FIRRM: variants seen among roughly 807,000 people sequenced by gnomAD.
FIRRM encodes the protein FIGNL1-interacting regulator of recombination and mitosis.
the FIRRM span, among the ~76,000 whole-genome samples, chr1:169,788,125 G>T: frequency 6.6e-6 from 1 of 152,172 alleles, no homozygotes; most frequent in Non-Finnish European, 1.5e-5. Flanking sequence ...CAAGGCACTT[G>T]GGGTTTCATG....
At chr1:169,813,217 C>T in the FIRRM span, among the ~76,000 whole-genome samples, 1 of 152,174 alleles carries the variant, frequency 6.6e-6, no homozygotes, top group Non-Finnish European at 1.5e-5. Context: ...GTTGCTTAAA[C>T]GTCAGACACT....
chr1:169,846,103 C>T, the FIRRM span, among the ~76,000 whole-genome samples: 4 of 152,324 alleles, frequency 2.6e-5, no homozygotes, highest in East Asian at 1.9e-4. Flanking sequence ...TCTCCTTATA[C>T]GTCTCCTTCA....
At chr1:169,845,979 C>CTA in the FIRRM span, among the ~76,000 whole-genome samples, 1 of 152,192 alleles carries the variant, frequency 6.6e-6, no homozygotes, top group Non-Finnish European at 1.5e-5. Flanking sequence ...TCCATGGCAG[C>CTA]TATAGCCTTA....
the FIRRM span, among the ~76,000 whole-genome samples, chr1:169,848,756 A>G: frequency 6.6e-6 from 1 of 152,212 alleles, no homozygotes; most frequent in Non-Finnish European, 1.5e-5. Flanking sequence ...TTTGTGAACC[A>G]CTATGGACTA....
At chr1:169,793,011 G>C in the FIRRM span, 1 of 1,614,058 alleles carries the variant, frequency 6.2e-7, no homozygotes, top group South Asian at 1.1e-5. Context: ...ACTACATTAG[G>C]TAAGGTTACT....
the FIRRM span, chr1:169,850,390 T>C: frequency 1.4e-6 from 2 of 1,407,000 alleles, no homozygotes; most frequent in Non-Finnish European, 2.0e-6. Context: ...GTCCTATTTT[T>C]TTTTTTCCGA....
At chr1:169,799,686 G>A in the FIRRM span, among the ~76,000 whole-genome samples, 173 of 152,186 alleles carry the variant, frequency 1.1e-3, no homozygotes, top group African/African-American at 4.1e-3. Flanking sequence ...CAAGTAGCTG[G>A]GATTACAGGC....
the FIRRM span, among the ~76,000 whole-genome samples, chr1:169,840,829 C>T: frequency 6.6e-6 from 1 of 152,002 alleles, no homozygotes; most frequent in East Asian, 1.9e-4. Context: ...TGATTTGCCA[C>T]TCAGCTTGAA....
chr1:169,793,582 A>G, the FIRRM span: 1 of 1,613,960 alleles, frequency 6.2e-7, no homozygotes, highest in Non-Finnish European at 8.5e-7. Context: ...CTCCTTTTTG[A>G]CTTTCTGAGA....
the FIRRM span, among the ~76,000 whole-genome samples, chr1:169,837,767 A>G: frequency 6.6e-6 from 1 of 152,246 alleles, no homozygotes; most frequent in African/African-American, 2.4e-5. Flanking sequence ...AAAATAAGAA[A>G]TGCCAATTAT....
the FIRRM span, chr1:169,792,571 T>C: frequency 2.6e-6 from 4 of 1,517,882 alleles, no homozygotes; most frequent in Non-Finnish European, 3.5e-6. Context: ...ACTCAGTGAA[T>C]GTTAATTAAC....
the FIRRM span, among the ~76,000 whole-genome samples, chr1:169,800,026 TG>T: frequency 7.2e-5 from 11 of 151,960 alleles, no homozygotes; most frequent in African/African-American, 2.7e-4. Context: ...GCTTGGCCTG[TG>T]TTTTTGTTTG....
At chr1:169,816,779 C>T in the FIRRM span, among the ~76,000 whole-genome samples, 1 of 152,078 alleles carries the variant, frequency 6.6e-6, no homozygotes, top group Non-Finnish European at 1.5e-5. Flanking sequence ...TTCCCAAGGG[C>T]CTTTATTGGC....
At chr1:169,845,158 T>A in the FIRRM span, among the ~76,000 whole-genome samples, 1 of 152,220 alleles carries the variant, frequency 6.6e-6, no homozygotes, top group Non-Finnish European at 1.5e-5. Flanking sequence ...GTGAGTCACA[T>A]GAATTTTTTG....
chr1:169,840,147 C>A, the FIRRM span, among the ~76,000 whole-genome samples: 1 of 152,194 alleles, frequency 6.6e-6, no homozygotes, highest in South Asian at 2.1e-4. Flanking sequence ...AGTTTCAAGT[C>A]AAGTCACGTG....
chr1:169,806,237 C>T, the FIRRM span: 1 of 585,324 alleles, frequency 1.7e-6, no homozygotes, highest in Admixed American at 3.6e-5. Context: ...AGATATTCTA[C>T]ATGTAGCTCT....
At chr1:169,843,203 C>CT in the FIRRM span, among the ~76,000 whole-genome samples, 1 of 152,222 alleles carries the variant, frequency 6.6e-6, no homozygotes, top group Non-Finnish European at 1.5e-5. Flanking sequence ...GATTGCCCTA[C>CT]TGCAGTGTTT....
the FIRRM span, among the ~76,000 whole-genome samples, chr1:169,812,216 GAA>G: frequency 6.6e-6 from 1 of 152,232 alleles, no homozygotes; most frequent in Non-Finnish European, 1.5e-5. Context: ...GAATGAGAGA[GAA>G]AATTTAAAGT....
At chr1:169,821,413 G>A in the FIRRM span, among the ~76,000 whole-genome samples, 1 of 152,060 alleles carries the variant, frequency 6.6e-6, no homozygotes, top group Non-Finnish European at 1.5e-5. Context: ...AACTGAGAAG[G>A]ATCACCTCTT....
Sources: allele counts gnomAD v4.1 joint callset (sites outside exome capture counted in the v4.1 genomes callset), GRCh38; gene constraint gnomAD v4.1.1; transcripts MANE v1.5; gene names NCBI Gene and HGNC (gene_info 2026-07-23, HGNC 2026-07-21).